CCSER1: variants seen among roughly 807,000 people sequenced by gnomAD.
The protein encoded by CCSER1 is serine-rich coiled-coil domain-containing protein 1.
Under a neutral mutation model 82.0 loss-of-function variants are expected in CCSER1, and 41 were observed. The ratio of observed to expected loss-of-function variants is 0.50; its 90% CI spans 0.39 to 0.65. The LOEUF is 0.65. Ranked by LOEUF, CCSER1 falls within the 30% of genes least tolerant of loss-of-function variation. The pLI is 0.00. For missense variants in CCSER1, 1,119 were observed against 1,064.2 expected (o/e 1.05, Z -0.72); for synonymous variants, 414 against 383.9 (o/e 1.08, Z -0.92).
intron 8 of CCSER1, among the ~76,000 whole-genome samples, chr4:90,898,305 A>G (rs1363970136): frequency 8.6e-4 from 48 of 55,724 alleles, no homozygotes; most frequent in African/African-American, 2.6e-3. Context: ...TTTTTGAGAC[A>G]GAGTCTTGCT....
chr4:90,494,324 T>C (rs1178269948), intron 5 of CCSER1, among the ~76,000 whole-genome samples: 1 of 152,162 alleles, frequency 6.6e-6, no homozygotes, highest in Admixed American at 6.6e-5. Context: ...TGGGAGACTT[T>C]AACATCCCAC....
At chr4:90,354,706 T>C (rs901889406) in intron 3 of CCSER1, among the ~76,000 whole-genome samples, 2 of 152,178 alleles carry the variant, frequency 1.3e-5, no homozygotes, top group Non-Finnish European at 2.9e-5. Context: ...TCGTGCTAGG[T>C]ATTTTTTACA....
chr4:90,890,761 C>G (rs1580953146), intron 8 of CCSER1, among the ~76,000 whole-genome samples: 1 of 152,142 alleles, frequency 6.6e-6, no homozygotes, highest in African/African-American at 2.4e-5. Context: ...TAATAAATCA[C>G]TTTCACAGGA....
At chr4:91,201,036 T>C (rs1735865666) in intron 10 of CCSER1, among the ~76,000 whole-genome samples, 1 of 152,050 alleles carries the variant, frequency 6.6e-6, no homozygotes, top group Non-Finnish European at 1.5e-5. Context: ...TCTGACAGTT[T>C]ACTATGTATC....
chr4:90,323,350 T>G (rs1266441247), intron 3 of CCSER1, among the ~76,000 whole-genome samples: 1 of 152,196 alleles, frequency 6.6e-6, no homozygotes, highest in Non-Finnish European at 1.5e-5. Flanking sequence ...GTGACCTGTC[T>G]TTCAAAGTTA....
intron 5 of CCSER1, among the ~76,000 whole-genome samples, chr4:90,604,864 C>A (rs890593318): frequency 3.9e-5 from 6 of 152,138 alleles, no homozygotes; most frequent in Admixed American, 3.9e-4. Context: ...AGCACCCTGT[C>A]AAAATGGGCC....
chr4:90,982,477 C>G (rs747125650), intron 9 of CCSER1, among the ~76,000 whole-genome samples: 73 of 151,716 alleles, frequency 4.8e-4, no homozygotes, highest in Admixed American at 3.9e-4. Flanking sequence ...AAACTTACTT[C>G]TCACTTGTAA....
At position 91,354,056 on chromosome 4, in the gene CCSER1, T is replaced by C. The variant is rs549097822; in HGVS notation, c.2218-244516T>C. Among the ~76,000 whole-genome samples the C allele has an allele frequency of 3.9e-5, 6 of 152,336 alleles. No individual in the cohort carries two copies. The East Asian group carries it at 9.7e-4, about 25-fold the overall frequency. On this transcript the variant is annotated intron_variant, in intron 10 of 10. Coordinates refer to ENST00000509176, the MANE Select transcript of CCSER1 (RefSeq NM_001145065.2). ...GTAAGAGCTAGTCTATTTTGATAGA[T>C]AGCATTTCTCATTAGAGTTTCTTGC...
intron 10 of CCSER1, chr4:91,129,897 T>A (rs1396482828): frequency 6.6e-6 from 1 of 152,004 alleles, no homozygotes; most frequent in African/African-American, 2.4e-5. Context: ...GTTCTGGACA[T>A]AAAGTTTTCT....
In CCSER1 at chr4:90,594,165, A is replaced by G. The variant is rs928853454; in HGVS notation, c.1725-33860A>G. 2.0e-5 allele frequency among the ~76,000 whole-genome samples: 3 copies of G among 152,150 alleles called. No homozygotes were observed. The South Asian group carries it at 6.2e-4, about 32-fold the overall frequency. ...GAAAAGGAAAAAAAAAACAAGCTCA[A>G]ACCAACTTAAGAAAAAGATGTTTTA... On this transcript the variant is annotated intron_variant, in intron 5 of 10. Coordinates refer to ENST00000509176, the MANE Select transcript of CCSER1 (RefSeq NM_001145065.2).
chr4:91,183,058 A>G (rs1481379803), intron 10 of CCSER1, among the ~76,000 whole-genome samples: 1 of 152,196 alleles, frequency 6.6e-6, no homozygotes, highest in African/African-American at 2.4e-5. Context: ...GAATCCCTTT[A>G]GTCAAAGGTC....
chr4:90,586,247 T>C (rs1782007779), intron 5 of CCSER1, among the ~76,000 whole-genome samples: 1 of 152,176 alleles, frequency 6.6e-6, no homozygotes, highest in South Asian at 2.1e-4. Context: ...GACTCCATTA[T>C]ACCCCCCCAC....
intron 5 of CCSER1, among the ~76,000 whole-genome samples, chr4:90,484,161 G>T (rs541471142): frequency 6.6e-6 from 1 of 151,968 alleles, no homozygotes; most frequent in Non-Finnish European, 1.5e-5. Flanking sequence ...CCAGTTGATC[G>T]CATCGGTTAC....
chr4:91,501,368 A>G (rs1397166440), intron 10 of CCSER1, among the ~76,000 whole-genome samples: 1 of 151,838 alleles, frequency 6.6e-6, no homozygotes, highest in Non-Finnish European at 1.5e-5. Context: ...AATTGGTTTA[A>G]CCATTTACAT....
chr4:90,448,888 T>G (rs2153577146), intron 4 of CCSER1, among the ~76,000 whole-genome samples: 1 of 152,180 alleles, frequency 6.6e-6, no homozygotes, highest in Admixed American at 6.5e-5. Context: ...GTCCCTCCAT[T>G]AGGCAGGTCC....
chr4:90,641,183 AC>A (rs1726447650), intron 6 of CCSER1, among the ~76,000 whole-genome samples: 2 of 152,142 alleles, frequency 1.3e-5, no homozygotes, highest in African/African-American at 4.8e-5. Flanking sequence ...TCTTATGCCC[AC>A]AAAAAATATT....
intron 3 of CCSER1, among the ~76,000 whole-genome samples, chr4:90,384,152 T>A (rs946800809): frequency 4.6e-5 from 7 of 152,090 alleles, no homozygotes; most frequent in East Asian, 1.9e-4. Context: ...TTTATTTTTT[T>A]AATTATACTT....
chr4:90,195,346 T>C (rs1736409280), intron 1 of CCSER1, among the ~76,000 whole-genome samples: 2 of 152,062 alleles, frequency 1.3e-5, no homozygotes, highest in Admixed American at 1.3e-4. Context: ...TGAAAAAAGC[T>C]AATCTGGAAA....
intron 8 of CCSER1, among the ~76,000 whole-genome samples, chr4:90,847,578 T>C (rs1023046966): frequency 1.3e-5 from 2 of 152,206 alleles, no homozygotes; most frequent in African/African-American, 2.4e-5. Flanking sequence ...TAATAACAGA[T>C]ACTTACTTCA....
Sources: gnomAD v4.1 joint callset for allele counts (sites outside exome capture counted in the v4.1 genomes callset) on GRCh38, gnomAD v4.1.1 for gene constraint, MANE v1.5 for transcripts, NCBI Gene and HGNC (gene_info 2026-07-23, HGNC 2026-07-21) for gene names.